Variants in PTPRA observed in about 807,000 individuals in gnomAD.
PTPRA encodes the protein receptor-type tyrosine-protein phosphatase alpha.
PTPRA carries 25 observed loss-of-function variants against 104.8 expected under a neutral mutation model. The ratio of observed to expected loss-of-function variants is 0.24; its 90% CI spans 0.17 to 0.33. PTPRA has a LOEUF of 0.33. Ranked by LOEUF, PTPRA falls within the 10% of genes least tolerant of loss-of-function variation. PTPRA has a pLI of 1.00. For synonymous variants in PTPRA, 323 were observed against 368.9 expected, an observed-to-expected ratio of 0.88 and a Z score of 1.43; for missense variants, 765 against 1,015.3, an observed-to-expected ratio of 0.75 and a Z score of 3.35.
chr20:3,031,150 A>C (rs1177012195), intron 20 of PTPRA, among the ~76,000 whole-genome samples: 3 of 152,154 alleles, frequency 2.0e-5, no homozygotes, highest in Non-Finnish European at 4.4e-5. Context: ...TCTCTAAAGC[A>C]TAGTGAAACC....
At chr20:3,008,746 AAAAAAAAAAAAAAC>A (rs1568693848) in intron 11 of PTPRA, among the ~76,000 whole-genome samples, 8,803 of 65,328 alleles carry the variant, frequency 0.13, 837 homozygotes, top group African/African-American at 0.29. Context: ...AAAAAAAAAC[AAAAAAAAAAAAAAC>A]AACTTAGCCG....
intron 3 of PTPRA, among the ~76,000 whole-genome samples, chr20:2,960,950 A>G (rs542114117): frequency 2.0e-5 from 3 of 149,462 alleles, no homozygotes; most frequent in Non-Finnish European, 4.5e-5. Flanking sequence ...ACGTATTTTC[A>G]TGTTTTTAGC....
Position 2,981,058 on chromosome 20 carries a change from C to T in PTPRA, c.443-5707C>T, listed in dbSNP as rs571180965. Among the ~76,000 whole-genome samples the T allele has an allele frequency of 1.8e-3, 267 of 152,130 alleles. 1 individual carries two copies. Among genetic ancestry groups the T allele is most frequent in the Non-Finnish European group, 3.1e-3 (212 of 67,988 alleles). ...CACTACTATGGTTTTTTTCTGTCTG[C>T]AGGCCCCAGGAGACCTTCTGTGGAC... On this transcript the variant is annotated intron_variant, in intron 6 of 23. Transcript: ENST00000399903.
the PTPRA span, chr20:2,866,566 A>G: frequency 6.2e-7 from 1 of 1,614,116 alleles, no homozygotes; most frequent in Non-Finnish European, 8.5e-7. Context: ...ACAAGCCCAG[A>G]AGAAGTGAGG....
intron 1 of PTPRA, among the ~76,000 whole-genome samples, chr20:2,910,826 C>T (rs1487131891): frequency 1.3e-5 from 2 of 150,690 alleles, no homozygotes; most frequent in Non-Finnish European, 3.0e-5. Context: ...AGGATGGTCT[C>T]GATCTCCGGA....
chr20:3,007,085 A>G (rs2063910750), intron 10 of PTPRA, among the ~76,000 whole-genome samples: 1 of 152,190 alleles, frequency 6.6e-6, no homozygotes, highest in Admixed American at 6.5e-5. Flanking sequence ...TCATCTGTCA[A>G]GAAACTTTCT....
upstream of PTPRA, among the ~76,000 whole-genome samples, chr20:2,870,095 G>A (rs531086372): frequency 3.9e-5 from 6 of 151,960 alleles, no homozygotes; most frequent in South Asian, 2.1e-4. Context: ...TTGGCCAGGC[G>A]CAGTGGTTCA....
In PTPRA at chr20:3,022,037, A is replaced by T. The variant is rs2064899303; in HGVS notation, c.1162-17A>T. 1 of 1,613,802 alleles carries T rather than the reference A, an allele frequency of 6.2e-7. No homozygotes were observed. The highest frequency in any genetic ancestry group is 1.3e-5 in the African/African-American group (1 of 75,014). On this transcript the variant is annotated splice_polypyrimidine_tract_variant and intron_variant, in intron 14 of 23. Transcript: ENST00000399903. The surrounding 1 kb of genome is among the most constrained non-coding windows in gnomAD (Gnocchi z 4.6). ...TTGGGTATCAGGGCCAACACACAGG[A>T]TCTCCTCACTTCACAGGTGGGCGAC... is the stretch of plus-strand genomic sequence containing the variant.
rs920837346 is a variant in PTPRA at position 3,024,745 on chromosome 20, G to A, written c.1614+124G>A. ...TGTGAGGCATGCCAGTGGTTAAGGAGATGGTCCTTTCCTCGTACTCTGGTA... is the reference window on the plus strand; with the variant it reads ...TGTGAGGCATGCCAGTGGTTAAGGAAATGGTCCTTTCCTCGTACTCTGGTA... On this transcript the variant is annotated intron_variant, in intron 17 of 23. Coordinates refer to ENST00000399903, the MANE Select transcript of PTPRA (RefSeq NM_001385305.1). 1.6e-5 allele frequency: 19 copies of A among 1,197,488 alleles called. 1 individual carries two copies. The highest frequency in any genetic ancestry group is 2.4e-5 in the East Asian group (1 of 41,250). 74.2% of individuals were successfully genotyped at this position (1,197,488 alleles called of 1,614,324 possible).
chr20:2,959,906 A>G (rs1253153379), intron 3 of PTPRA, among the ~76,000 whole-genome samples: 2 of 152,112 alleles, frequency 1.3e-5, no homozygotes, highest in African/African-American at 4.8e-5. Context: ...AGCCACAGTC[A>G]TGCCCCTGCA....
intron 5 of PTPRA, among the ~76,000 whole-genome samples, chr20:2,968,401 G>A (rs575903778): frequency 2.6e-5 from 4 of 151,204 alleles, no homozygotes; most frequent in South Asian, 2.1e-4. Context: ...GGTCTTTTTC[G>A]TTCATTATTA....
chr20:2,933,459 G>GTTGT (rs1363240591), intron 2 of PTPRA, among the ~76,000 whole-genome samples: 5 of 150,530 alleles, frequency 3.3e-5, no homozygotes, highest in Admixed American at 2.0e-4. Context: ...TGGTTGGTTG[G>GTTGT]TTGGTTGGGT....
rs1408962889 is a variant in PTPRA at position 2,947,992 on chromosome 20, C to G, written c.-39C>G. 1 of 1,093,752 alleles carries G rather than the reference C, an allele frequency of 9.1e-7. No individual in the cohort carries two copies. Among genetic ancestry groups the G allele is most frequent in the Non-Finnish European group, 1.2e-6 (1 of 814,608 alleles). 67.8% of individuals were successfully genotyped at this position (1,093,752 alleles called of 1,614,324 possible). On this transcript the variant is annotated 5_prime_UTR_variant, in exon 3 of 24. An upstream open reading frame in the 5' UTR gains an earlier in-frame stop. Transcript: ENST00000399903. ...TTTCTTTTTTTCTAGGACACATGTT[C>G]AAAGAGCATAATTAACTTTTTAAAA...
intron 1 of PTPRA, among the ~76,000 whole-genome samples, chr20:2,882,351 A>G (rs961562760): frequency 5.4e-5 from 8 of 147,186 alleles, no homozygotes; most frequent in African/African-American, 1.8e-4. Flanking sequence ...GTGCAGTGGC[A>G]CCATCATGGT....
chr20:2,918,459 G>A (rs1413327153), intron 1 of PTPRA, among the ~76,000 whole-genome samples: 2 of 152,222 alleles, frequency 1.3e-5, no homozygotes, highest in Non-Finnish European at 2.9e-5. Flanking sequence ...GCCGTAGTAA[G>A]CATGGGACTT....
intron 1 of PTPRA, among the ~76,000 whole-genome samples, chr20:2,910,422 A>ATATAATATATTTTGTATATTATATATTT (rs2059658484): frequency 1.7e-5 from 1 of 58,660 alleles, no homozygotes; most frequent in Non-Finnish European, 3.9e-5. Context: ...ATTATATAAT[A>ATATAATATATTTTGTATATTATATATTT]TATAAAATGT....
rs1254882883 is a variant in PTPRA at position 2,960,285 on chromosome 20, T to G, written c.-6-3987T>G. 2.0e-5 allele frequency among the ~76,000 whole-genome samples: 3 copies of G among 150,638 alleles called. No homozygotes were observed. The East Asian group carries it at 5.9e-4, about 30-fold the overall frequency. Reference sequence around the variant, plus strand: ...TTTTTTTTGAGACGGAGTCTCACTCTGTCCCCCAGGCCGGAGTGCAGTGGC... The same window carrying G: ...TTTTTTTTGAGACGGAGTCTCACTCGGTCCCCCAGGCCGGAGTGCAGTGGC... On this transcript the variant is annotated intron_variant, in intron 3 of 23. Transcript: ENST00000399903.
chr20:3,029,135 T>TTTGTTTG (rs61088526), intron 20 of PTPRA, among the ~76,000 whole-genome samples: 1 of 131,580 alleles, frequency 7.6e-6, no homozygotes, highest in African/African-American at 3.0e-5. Context: ...TTTTTTTTGG[T>TTTGTTTG]TTTGTTTGTT....
At chr20:2,955,760 G>A (rs2061514365) in intron 3 of PTPRA, 1 of 801,576 alleles carries the variant, frequency 1.2e-6, no homozygotes, top group African/African-American at 1.9e-5. Context: ...TTTCTCAGAT[G>A]TCTGCTGCCT....
Sources: allele counts gnomAD v4.1 joint callset (sites outside exome capture counted in the v4.1 genomes callset), GRCh38; gene constraint gnomAD v4.1.1; non-coding constraint Gnocchi (gnomAD v3.1); transcripts MANE v1.5; gene names NCBI Gene and HGNC (gene_info 2026-07-23, HGNC 2026-07-21).